The following CCSER1 variants were observed in gnomAD, a reference collection of about 807,000 sequenced individuals.
CCSER1 encodes serine-rich coiled-coil domain-containing protein 1.
Under a neutral mutation model 82.0 loss-of-function variants are expected in CCSER1, and 41 were observed. The ratio of observed to expected loss-of-function variants is 0.50; its 90% CI spans 0.39 to 0.65. CCSER1 has a LOEUF of 0.65. Among genes scored for constraint, CCSER1 ranks in the 30% least tolerant of loss-of-function variants. The pLI is 0.00. For synonymous variants in CCSER1, 414 were observed against 383.9 expected (o/e 1.08, Z -0.92); for missense variants, 1,119 against 1,064.2 (o/e 1.05, Z -0.72).
rs768964116 is a variant in CCSER1 at position 90,662,000 on chromosome 4, C to CTT, written c.1932+33783_1932+33784dup. Among the ~76,000 whole-genome samples the CTT allele has an allele frequency of 2.3e-3, 318 of 136,166 alleles. 1 individual carries two copies. The highest frequency in any genetic ancestry group is 3.9e-3 in the Non-Finnish European group (244 of 63,046). The allele number at this position is 136,166 out of a possible 152,430, so 89.3% of individuals were successfully genotyped here. ...TATACCACTCTTTGTTTCTTTCTTT[C>CTT]TTTTTTTTTTTTTTTTGAGACTTAG... is the stretch of plus-strand genomic sequence containing the variant. On this transcript the variant is annotated intron_variant, in intron 6 of 10. Transcript: ENST00000509176.
chr4:90,479,663 G>T (rs1160054361), intron 5 of CCSER1, among the ~76,000 whole-genome samples: 1 of 152,112 alleles, frequency 6.6e-6, no homozygotes, highest in East Asian at 1.9e-4. Context: ...TGCTGAGAAT[G>T]ATGGCTGCCA....
rs201710161 is a variant in CCSER1 at position 91,414,318 on chromosome 4, TC to T, written c.2218-184253del. Among the ~76,000 whole-genome samples the T allele has an allele frequency of 6.4e-4, 97 of 152,250 alleles. No homozygotes were observed. The East Asian group carries it at 0.018, about 28-fold the overall frequency. Reference sequence around the variant, plus strand: ...TGAGGGGGCAGTGAAAATGTAGAGTTCTTCCATGCAATTGAAGTTAAGTTGT... The same window carrying T: ...TGAGGGGGCAGTGAAAATGTAGAGTTTTCCATGCAATTGAAGTTAAGTTGT... On this transcript the variant is annotated intron_variant, in intron 10 of 10. Transcript: ENST00000509176.
chr4:90,515,150 C>G (rs947272549), intron 5 of CCSER1, among the ~76,000 whole-genome samples: 1 of 152,180 alleles, frequency 6.6e-6, no homozygotes, highest in African/African-American at 2.4e-5. Context: ...GCCACCGCAA[C>G]CGGCCACATA....
chr4:91,144,125 G>A (rs1729313152), intron 10 of CCSER1, among the ~76,000 whole-genome samples: 3 of 151,928 alleles, frequency 2.0e-5, no homozygotes, highest in Admixed American at 6.6e-5. Context: ...TTAAATCACT[G>A]ACTCAATTTT....
chr4:90,367,231 A>G (rs1324611809), intron 3 of CCSER1, among the ~76,000 whole-genome samples: 1 of 151,812 alleles, frequency 6.6e-6, no homozygotes, highest in Non-Finnish European at 1.5e-5. Context: ...TGTTCTGGAA[A>G]AAAACAACTA....
At chr4:91,484,556 G>A (rs183273691) in intron 10 of CCSER1, among the ~76,000 whole-genome samples, 22 of 152,078 alleles carry the variant, frequency 1.4e-4, no homozygotes, top group Non-Finnish European at 2.6e-4. Flanking sequence ...TCATGTTTTA[G>A]GTAAACATTG....
intron 7 of CCSER1, among the ~76,000 whole-genome samples, chr4:90,737,976 G>T (rs565322527): frequency 3.3e-4 from 50 of 152,214 alleles, no homozygotes; most frequent in Non-Finnish European, 6.5e-4. Context: ...AAATTTATGT[G>T]ATAGGTTCTG....
At chr4:90,597,273 G>C (rs930212696) in intron 5 of CCSER1, among the ~76,000 whole-genome samples, 2 of 151,908 alleles carry the variant, frequency 1.3e-5, no homozygotes, top group Non-Finnish European at 2.9e-5. Context: ...TCATGCCTCT[G>C]ATCATTTTAA....
At chr4:90,635,855 A>G (rs564442678) in intron 6 of CCSER1, among the ~76,000 whole-genome samples, 1 of 152,006 alleles carries the variant, frequency 6.6e-6, no homozygotes, top group East Asian at 1.9e-4. Flanking sequence ...CATTGTATAC[A>G]CACATTCAGA....
At chr4:90,495,154 A>G (rs1768791836) in intron 5 of CCSER1, among the ~76,000 whole-genome samples, 1 of 152,094 alleles carries the variant, frequency 6.6e-6, no homozygotes, top group African/African-American at 2.4e-5. Flanking sequence ...TATGAACACT[A>G]ATGTGGTGTT....
At chr4:90,766,274 GT>G (rs1327567540) in intron 7 of CCSER1, among the ~76,000 whole-genome samples, 1 of 152,062 alleles carries the variant, frequency 6.6e-6, no homozygotes, top group Non-Finnish European at 1.5e-5. Flanking sequence ...CTTCCTGAAA[GT>G]TGTGTCCACA....
chr4:90,944,409 A>C (rs568196641), intron 9 of CCSER1, among the ~76,000 whole-genome samples: 1 of 152,246 alleles, frequency 6.6e-6, no homozygotes, highest in East Asian at 1.9e-4. Flanking sequence ...TATTCATTTC[A>C]CTTAAGGAAC....
At chr4:91,536,813 A>G (rs1436674546) in intron 10 of CCSER1, among the ~76,000 whole-genome samples, 3 of 151,968 alleles carry the variant, frequency 2.0e-5, no homozygotes, top group East Asian at 1.9e-4. Flanking sequence ...ATAGTTCCCT[A>G]TGTTTTTTTA....
chr4:91,441,761 A>G (rs1380467280), intron 10 of CCSER1, among the ~76,000 whole-genome samples: 3 of 152,210 alleles, frequency 2.0e-5, no homozygotes, highest in Non-Finnish European at 4.4e-5. Context: ...CTGATAAGCA[A>G]CTTCAGCAAA....
intron 10 of CCSER1, among the ~76,000 whole-genome samples, chr4:91,316,271 T>C (rs1448958371): frequency 6.6e-6 from 1 of 151,990 alleles, no homozygotes; most frequent in African/African-American, 2.4e-5. Flanking sequence ...ATTTTAGGTT[T>C]ATGAGGGTCA....
intron 5 of CCSER1, among the ~76,000 whole-genome samples, chr4:90,590,658 T>C (rs1306377221): frequency 2.6e-5 from 4 of 152,116 alleles, no homozygotes; most frequent in Non-Finnish European, 4.4e-5. Context: ...TAAGCCTATA[T>C]GTCTGTTTTG....
chr4:91,454,530 C>A (rs1756044392), intron 10 of CCSER1, among the ~76,000 whole-genome samples: 1 of 151,964 alleles, frequency 6.6e-6, no homozygotes, highest in African/African-American at 2.4e-5. Flanking sequence ...TTAATCTAAT[C>A]TTTTTGGCAA....
chr4:90,842,574 G>A (rs528275507), intron 8 of CCSER1, among the ~76,000 whole-genome samples: 1 of 152,288 alleles, frequency 6.6e-6, no homozygotes, highest in Admixed American at 6.5e-5. Context: ...GGGTTTGGAT[G>A]TGCAGAAAAG....
intron 3 of CCSER1, among the ~76,000 whole-genome samples, chr4:90,331,386 G>A (rs1739251463): frequency 6.6e-6 from 1 of 152,096 alleles, no homozygotes; most frequent in Non-Finnish European, 1.5e-5. Context: ...TTATGCATTA[G>A]GTACTATTTT....
Sources: gnomAD v4.1 joint callset for allele counts (sites outside exome capture counted in the v4.1 genomes callset) on GRCh38, gnomAD v4.1.1 for gene constraint, MANE v1.5 for transcripts, NCBI Gene and HGNC (gene_info 2026-07-23, HGNC 2026-07-21) for gene names.